KIAA1328: variants seen among roughly 807,000 people sequenced by gnomAD.
KIAA1328 encodes protein hinderin.
Under a neutral mutation model 68.1 loss-of-function variants are expected in KIAA1328, and 52 were observed. The observed-to-expected ratio is 0.76, with a 90% confidence interval of 0.61 to 0.96. KIAA1328 has a LOEUF of 0.96. Among genes scored for constraint, KIAA1328 ranks in the 40% least tolerant of loss-of-function variants. The probability of loss-of-function intolerance (pLI) is 0.00; values close to 1 mark genes in which losing one functional copy is unlikely to be tolerated. For missense variants in KIAA1328, 641 were observed against 677.6 expected (o/e 0.95, Z 0.60); for synonymous variants, 232 against 239.4 (o/e 0.97, Z 0.28).
intron 9 of KIAA1328, among the ~76,000 whole-genome samples, chr18:37,220,171 A>G (rs1248080705): frequency 6.6e-6 from 1 of 152,190 alleles, no homozygotes; most frequent in African/African-American, 2.4e-5. Context: ...CTCTTCATAC[A>G]CATTAGTTTC....
intron 5 of KIAA1328, among the ~76,000 whole-genome samples, chr18:36,907,458 G>A (rs1182319594): frequency 1.3e-5 from 2 of 152,074 alleles, no homozygotes; most frequent in Non-Finnish European, 1.5e-5. Flanking sequence ...GATTAAGGAA[G>A]TTCTTTTCTA....
chr18:37,133,957 T>C (rs16960084), intron 7 of KIAA1328, among the ~76,000 whole-genome samples: 22,402 of 152,090 alleles, frequency 0.15, 1,736 homozygotes, highest in African/African-American at 0.18. Context: ...TATGAACTCA[T>C]CATTTATCAT....
chr18:36,943,796 A>T (rs2050796213), intron 5 of KIAA1328, among the ~76,000 whole-genome samples: 1 of 152,166 alleles, frequency 6.6e-6, no homozygotes. Flanking sequence ...TCCTAACTTA[A>T]TTCATTTGTA....
intron 4 of KIAA1328, among the ~76,000 whole-genome samples, chr18:36,882,267 C>T (rs1218081048): frequency 3.9e-5 from 6 of 152,086 alleles, no homozygotes; most frequent in Non-Finnish European, 8.8e-5. Flanking sequence ...AAATGAGATA[C>T]AGAATTAGGT....
chr18:37,146,028 T>G (rs1237442252), intron 7 of KIAA1328, among the ~76,000 whole-genome samples: 2 of 152,144 alleles, frequency 1.3e-5, no homozygotes, highest in Non-Finnish European at 2.9e-5. Context: ...TTTTGTTTAT[T>G]CATTGCTGTT....
At chr18:36,894,051 A>G (rs2048789404) in intron 5 of KIAA1328, among the ~76,000 whole-genome samples, 1 of 152,046 alleles carries the variant, frequency 6.6e-6, no homozygotes, top group Non-Finnish European at 1.5e-5. Context: ...TGAGGCAGAT[A>G]CTCTTCTATC....
chr18:37,029,503 A>G (rs532900007), intron 6 of KIAA1328, among the ~76,000 whole-genome samples: 1 of 152,218 alleles, frequency 6.6e-6, no homozygotes, highest in South Asian at 2.1e-4. Context: ...CCTCCTGAGT[A>G]TCTGGGACCA....
chr18:37,093,228 C>G (rs560034505), intron 7 of KIAA1328, among the ~76,000 whole-genome samples: 1 of 152,194 alleles, frequency 6.6e-6, no homozygotes, highest in Non-Finnish European at 1.5e-5. Context: ...TATAAGGACA[C>G]AAGAAATGTG....
At chr18:37,208,942 T>C (rs1008018664) in intron 9 of KIAA1328, among the ~76,000 whole-genome samples, 32 of 152,122 alleles carry the variant, frequency 2.1e-4, no homozygotes, top group African/African-American at 7.0e-4. Flanking sequence ...CTTCTGGGAA[T>C]TGGCTGAAGG....
chr18:36,966,171 T>C (rs1329200161), intron 6 of KIAA1328, among the ~76,000 whole-genome samples: 1 of 152,128 alleles, frequency 6.6e-6, no homozygotes, highest in Admixed American at 6.6e-5. Context: ...TCAAGCAAAA[T>C]CATTCTTCAA....
intron 5 of KIAA1328, among the ~76,000 whole-genome samples, chr18:36,913,533 A>C: frequency 1.5e-5 from 1 of 66,764 alleles, no homozygotes; most frequent in Non-Finnish European, 3.5e-5. Context: ...CTTAGAGGAA[A>C]GCAACTGCCT....
At chr18:37,064,544 C>CT (rs1205958446) in intron 6 of KIAA1328, among the ~76,000 whole-genome samples, 1 of 146,020 alleles carries the variant, frequency 6.8e-6, no homozygotes, top group Non-Finnish European at 1.5e-5. Context: ...GTACCCCCCC[C>CT]CCCAAATATG....
chr18:36,939,326 A>G (rs2050621235), intron 5 of KIAA1328, among the ~76,000 whole-genome samples: 2 of 152,060 alleles, frequency 1.3e-5, no homozygotes, highest in Non-Finnish European at 2.9e-5. Context: ...ATTTATTCCT[A>G]AGTATTTTAT....
chr18:37,156,196 C>A (rs1201689033), intron 7 of KIAA1328, among the ~76,000 whole-genome samples: 1 of 151,924 alleles, frequency 6.6e-6, no homozygotes, highest in African/African-American at 2.4e-5. Context: ...CACCTGAGGT[C>A]GGGAGTTCGA....
intron 6 of KIAA1328, among the ~76,000 whole-genome samples, chr18:36,998,107 G>A (rs2053459625): frequency 6.6e-6 from 1 of 152,122 alleles, no homozygotes; most frequent in Admixed American, 6.5e-5. Context: ...TCTTTGGAGA[G>A]CCTGAGTATA....
At chr18:37,203,812 C>CT (rs758996149) in intron 9 of KIAA1328, among the ~76,000 whole-genome samples, 23,256 of 142,242 alleles carry the variant, frequency 0.16, 2,028 homozygotes, top group African/African-American at 0.23. Flanking sequence ...AACCCAGATT[C>CT]TTTTTTTTTT....
At position 37,076,343 on chromosome 18, in the gene KIAA1328, G is replaced by A. The variant is rs1166185595; in HGVS notation, c.1232+8798G>A. On this transcript the variant is annotated intron_variant, in intron 7 of 9. Transcript: ENST00000280020. ...GGACACATTCAAAGCAGTGTGTAGAGGGAAATTTATAGCACTAAATGCCCA... is the reference window on the plus strand; with the variant it reads ...GGACACATTCAAAGCAGTGTGTAGAAGGAAATTTATAGCACTAAATGCCCA... Among the ~76,000 whole-genome samples the A allele has an allele frequency of 3.9e-5, 6 of 152,004 alleles. 1 individual carries two copies. The highest frequency in any genetic ancestry group is 5.9e-5 in the Non-Finnish European group (4 of 67,960).
intron 4 of KIAA1328, among the ~76,000 whole-genome samples, chr18:36,862,512 T>C (rs1351704958): frequency 6.6e-6 from 1 of 152,208 alleles, no homozygotes; most frequent in Admixed American, 6.5e-5. Context: ...TTTAGGTCCA[T>C]TCATGTTGTT....
At chr18:36,976,272 G>C (rs922699713) in intron 6 of KIAA1328, among the ~76,000 whole-genome samples, 3 of 152,210 alleles carry the variant, frequency 2.0e-5, no homozygotes, top group African/African-American at 7.2e-5. Flanking sequence ...AAATGTATGA[G>C]TTCCTATAAT....
Sources: allele counts gnomAD v4.1 joint callset (sites outside exome capture counted in the v4.1 genomes callset), GRCh38; gene constraint gnomAD v4.1.1; transcripts MANE v1.5; gene names NCBI Gene and HGNC (gene_info 2026-07-23, HGNC 2026-07-21).